The following ZNF521 variants were observed in gnomAD, a reference collection of about 807,000 sequenced individuals.
The protein encoded by ZNF521 is zinc finger protein 521.
ZNF521 carries 14 observed loss-of-function variants against 105.5 expected under a neutral mutation model. That is an observed-to-expected ratio of 0.13 (90% CI 0.09 to 0.21). The LOEUF (loss-of-function observed/expected upper bound fraction) is 0.21, where lower values mean the gene tolerates loss of function less well. Ranked by LOEUF, ZNF521 falls within the 10% of genes least tolerant of loss-of-function variation. ZNF521 has a pLI of 1.00. For missense variants in ZNF521, 1,233 were observed against 1,629.7 expected (o/e 0.76, Z 4.19); for synonymous variants, 635 against 606.0 (o/e 1.05, Z -0.70).
chr18:25,167,656 G>C (rs1006515794), intron 5 of ZNF521, among the ~76,000 whole-genome samples: 13 of 152,234 alleles, frequency 8.5e-5, no homozygotes, highest in Admixed American at 1.3e-4. Context: ...CAACACTGTT[G>C]CATGAGTATT....
rs143741129 is a variant in ZNF521 at position 25,075,439 on chromosome 18, C to T, written c.3907-12698G>A. 4.8e-4 allele frequency among the ~76,000 whole-genome samples: 73 copies of T among 152,302 alleles called. No individual in the cohort carries two copies. The East Asian group carries it at 0.014, about 29-fold the overall frequency. ...TTCCTTCACCAATGACTCCTGCCAC[C>T]GGGCTCTTTACTTCTGTCACAAGTC... On this transcript the variant is annotated intron_variant, in intron 7 of 7. Transcript: ENST00000361524.
At chr18:25,205,437 A>T (rs2036063786) in intron 4 of ZNF521, among the ~76,000 whole-genome samples, 1 of 152,212 alleles carries the variant, frequency 6.6e-6, no homozygotes, top group African/African-American at 2.4e-5. Context: ...TTGGGGTTAC[A>T]CAAAATTAGG....
At chr18:25,174,019 A>G (rs913764856) in intron 5 of ZNF521, among the ~76,000 whole-genome samples, 6 of 152,222 alleles carry the variant, frequency 3.9e-5, no homozygotes, top group African/African-American at 1.4e-4. Flanking sequence ...TCAAGAGTTA[A>G]CATATTTTTT....
intron 2 of ZNF521, among the ~76,000 whole-genome samples, chr18:25,330,447 A>G (rs1484627685): frequency 1.3e-5 from 2 of 151,886 alleles, no homozygotes; most frequent in Non-Finnish European, 2.9e-5. Context: ...TACAGGCGTG[A>G]GCCACCATGC....
chr18:25,254,817 C>T (rs1908365936), intron 3 of ZNF521, among the ~76,000 whole-genome samples: 1 of 152,170 alleles, frequency 6.6e-6, no homozygotes, highest in East Asian at 1.9e-4. Flanking sequence ...TCTTCTCCAC[C>T]CCACCTTTCT....
chr18:25,323,073 C>T (rs1412133534), intron 2 of ZNF521, among the ~76,000 whole-genome samples: 1 of 151,180 alleles, frequency 6.6e-6, no homozygotes, highest in Non-Finnish European at 1.5e-5. Context: ...TCATTTCCTC[C>T]CAAAGAGGGA....
chr18:25,238,860 C>T (rs1907109595), intron 3 of ZNF521, among the ~76,000 whole-genome samples: 1 of 152,158 alleles, frequency 6.6e-6, no homozygotes, highest in South Asian at 2.1e-4. Context: ...CCTGACTGAA[C>T]TTCTGAGGAT....
At chr18:25,249,436 C>A (rs1036862636) in intron 3 of ZNF521, among the ~76,000 whole-genome samples, 1 of 151,650 alleles carries the variant, frequency 6.6e-6, no homozygotes, top group East Asian at 1.9e-4. Context: ...GGATTACAGG[C>A]TTGAGCCACC....
intron 5 of ZNF521, among the ~76,000 whole-genome samples, chr18:25,153,659 C>A (rs966318268): frequency 6.6e-6 from 1 of 152,166 alleles, no homozygotes; most frequent in Non-Finnish European, 1.5e-5. Context: ...CTGTCAGGAC[C>A]GAACTTCACA....
intron 4 of ZNF521, chr18:25,201,286 T>C (rs890615458): frequency 2.0e-5 from 3 of 152,162 alleles, no homozygotes; most frequent in Admixed American, 1.3e-4. Context: ...AAAATCCTAG[T>C]TCCTGGTAGT....
At chr18:25,077,525 CTCTTAT>C (rs1047456991) in intron 7 of ZNF521, among the ~76,000 whole-genome samples, 14 of 130,262 alleles carry the variant, frequency 1.1e-4, no homozygotes, top group African/African-American at 4.9e-4. Context: ...TGCCTTTCTC[CTCTTAT>C]GTTTTTTTTA....
chr18:25,350,642 T>C (rs1283857284), intron 2 of ZNF521, among the ~76,000 whole-genome samples: 3 of 152,002 alleles, frequency 2.0e-5, no homozygotes, highest in Non-Finnish European at 2.9e-5. Flanking sequence ...CTCTCTCTTT[T>C]TTTTTTTCGG....
chr18:25,151,606 A>T (rs1030400785), intron 5 of ZNF521, among the ~76,000 whole-genome samples: 2 of 151,864 alleles, frequency 1.3e-5, no homozygotes, highest in Admixed American at 6.6e-5. Context: ...TCTGGACGAG[A>T]CTTTTATCGT....
At chr18:25,267,006 C>T (rs1379967609) in intron 3 of ZNF521, among the ~76,000 whole-genome samples, 1 of 152,220 alleles carries the variant, frequency 6.6e-6, no homozygotes, top group African/African-American at 2.4e-5. Flanking sequence ...CCACAGAGCC[C>T]AGCAAGCTAA....
At chr18:25,120,167 T>G (rs1238853057) in intron 5 of ZNF521, among the ~76,000 whole-genome samples, 8 of 152,206 alleles carry the variant, frequency 5.3e-5, no homozygotes, top group Non-Finnish European at 8.8e-5. Flanking sequence ...ATCAGATGGT[T>G]TCATTGGTGA....
chr18:25,228,379 T>C (rs1406198591), intron 3 of ZNF521, among the ~76,000 whole-genome samples: 1 of 152,236 alleles, frequency 6.6e-6, no homozygotes, highest in Non-Finnish European at 1.5e-5. Context: ...TCGAATTCCA[T>C]AGGCCAGAAA....
rs9951339 is a variant in ZNF521, at chr18:25,317,846, G to A, written c.220+4162C>T. 7.9e-3 allele frequency among the ~76,000 whole-genome samples: 1,200 copies of A among 152,214 alleles called. 16 individuals carry two copies. Among genetic ancestry groups the A allele is most frequent in the African/African-American group, 0.027 (1,126 of 41,522 alleles). On this transcript the variant is annotated intron_variant, in intron 3 of 7. Coordinates refer to ENST00000361524, the MANE Select transcript of ZNF521 (RefSeq NM_015461.3). The stretch of plus-strand genomic sequence containing the variant: ...GGATAATATAAATGTTAGCAAGTAC[G>A]TACGACAACCAGAATTCTCATCTAC...
At chr18:25,277,972 T>C (rs1246839088) in intron 3 of ZNF521, among the ~76,000 whole-genome samples, 2 of 152,146 alleles carry the variant, frequency 1.3e-5, no homozygotes, top group Non-Finnish European at 2.9e-5. Flanking sequence ...ATCCATCATA[T>C]CCAAATTTTG....
At chr18:25,139,942 C>G (rs963335928) in intron 5 of ZNF521, among the ~76,000 whole-genome samples, 1 of 152,100 alleles carries the variant, frequency 6.6e-6, no homozygotes, top group Non-Finnish European at 1.5e-5. Flanking sequence ...GTAAGGTACA[C>G]GGAAACAAGC....
Sources: allele counts gnomAD v4.1 joint callset (sites outside exome capture counted in the v4.1 genomes callset), GRCh38; gene constraint gnomAD v4.1.1; transcripts MANE v1.5; gene names NCBI Gene and HGNC (gene_info 2026-07-23, HGNC 2026-07-21).